SEC22A: variants seen among roughly 807,000 people sequenced by gnomAD.
The protein encoded by SEC22A is SEC22 homolog A, vesicle trafficking protein, also known as vesicle-trafficking protein SEC22a.
A neutral mutation model predicts 35.3 loss-of-function variants in SEC22A; 22 were observed. The observed-to-expected ratio is 0.62, with a 90% CI of 0.45 to 0.89. The LOEUF is 0.89. Ranked by LOEUF, SEC22A falls within the 40% of genes least tolerant of loss-of-function variation. The pLI is 0.00. For missense variants in SEC22A, 354 were observed against 362.5 expected (o/e 0.98, Z 0.19); for synonymous variants, 119 against 129.5 (o/e 0.92, Z 0.55).
chr3:123,218,914 C>G (rs1559752782), intron 2 of SEC22A, among the ~76,000 whole-genome samples: 3 of 152,094 alleles, frequency 2.0e-5, no homozygotes, highest in Admixed American at 6.5e-5. Flanking sequence ...CATCCCTGCT[C>G]TCATGGAGTG....
At chr3:123,269,789 C>T (rs1410636353) in intron 6 of SEC22A, among the ~76,000 whole-genome samples, 1 of 151,894 alleles carries the variant, frequency 6.6e-6, no homozygotes, top group East Asian at 1.9e-4. Flanking sequence ...CCCGCCACCA[C>T]ACCCGACTAA....
At chr3:123,212,861 T>C (rs998550547) in intron 2 of SEC22A, among the ~76,000 whole-genome samples, 7 of 152,146 alleles carry the variant, frequency 4.6e-5, no homozygotes, top group African/African-American at 1.7e-4. Context: ...GTTGCAGATA[T>C]TACCGTTGAG....
intron 6 of SEC22A, among the ~76,000 whole-genome samples, chr3:123,266,630 G>C (rs1938031941): frequency 6.6e-6 from 1 of 152,000 alleles, no homozygotes. Flanking sequence ...TGATTCCATT[G>C]TGATTAGAGA....
At chr3:123,228,634 A>AG (rs1318649510) in intron 4 of SEC22A, among the ~76,000 whole-genome samples, 2 of 151,518 alleles carry the variant, frequency 1.3e-5, no homozygotes, top group South Asian at 4.2e-4. Context: ...CATGGGGTAG[A>AG]GGGGACAGAA....
At chr3:123,215,682 T>G (rs549082816) in intron 2 of SEC22A, among the ~76,000 whole-genome samples, 2 of 152,158 alleles carry the variant, frequency 1.3e-5, no homozygotes, top group African/African-American at 4.8e-5. Context: ...GTAAATGATA[T>G]ATATGAACCA....
intron 4 of SEC22A, among the ~76,000 whole-genome samples, chr3:123,236,591 A>G (rs1937422636): frequency 6.6e-6 from 1 of 152,012 alleles, no homozygotes; most frequent in African/African-American, 2.4e-5. Context: ...CTTAGTTTTG[A>G]ATCATATTGT....
chr3:123,222,513 T>C (rs2108045701), intron 2 of SEC22A, among the ~76,000 whole-genome samples: 1 of 152,252 alleles, frequency 6.6e-6, no homozygotes, highest in South Asian at 2.1e-4. Flanking sequence ...CTTCTTTTGA[T>C]TGGCAACATT....
intron 5 of SEC22A, among the ~76,000 whole-genome samples, chr3:123,252,442 G>A (rs116391388): frequency 2.6e-5 from 4 of 152,130 alleles, no homozygotes; most frequent in Admixed American, 2.6e-4. Flanking sequence ...GGGAAGGGCA[G>A]TACCCCAGAT....
intron 5 of SEC22A, among the ~76,000 whole-genome samples, chr3:123,256,423 G>A (rs146100095): frequency 9.0e-5 from 13 of 144,850 alleles, no homozygotes; most frequent in African/African-American, 1.3e-4. Context: ...TCATTCAAAC[G>A]TTGCCTAAAC....
chr3:123,231,938 C>T (rs1937333278), intron 4 of SEC22A, among the ~76,000 whole-genome samples: 1 of 152,008 alleles, frequency 6.6e-6, no homozygotes. Flanking sequence ...AAAATAATTA[C>T]TCAAATTAGA....
At chr3:123,243,481 C>T (rs958711122) in intron 4 of SEC22A, among the ~76,000 whole-genome samples, 1 of 152,128 alleles carries the variant, frequency 6.6e-6, no homozygotes, top group Admixed American at 6.6e-5. Context: ...ATTTCTTCCC[C>T]TTTGTACCTG....
chr3:123,209,305 A>G lies in SEC22A; in HGVS notation c.88A>G (p.Met30Val). The G allele has an allele frequency of 6.2e-7, 1 of 1,614,112 alleles. No individual in the cohort carries two copies. The highest frequency in any genetic ancestry group is 8.5e-7 in the Non-Finnish European group (1 of 1,179,960). Residue 30 changes from methionine to valine, a missense_variant, in exon 2 of 7, where the codon ATG (methionine) becomes GTG (valine). Physicochemically the swap from Met to Val is conservative, Grantham distance 21 (BLOSUM62 1). Coordinates refer to ENST00000492595, the MANE Select transcript of SEC22A (RefSeq NM_012430.5). ...ASTDYEQSTG[M>V]QECRKYFKML... ...TACTGATTATGAACAAAGCACAGGA[A>G]TGCAGGAGTGCAGAAAGTATTTTAA... is the stretch of plus-strand genomic sequence containing the variant.
intron 3 of SEC22A, among the ~76,000 whole-genome samples, chr3:123,224,864 A>C (rs1218607869): frequency 6.6e-6 from 1 of 152,196 alleles, no homozygotes; most frequent in Non-Finnish European, 1.5e-5. Context: ...AAGTGGATGT[A>C]ATACACTTAG....
chr3:123,202,805 G>T (rs2108019382), intron 1 of SEC22A, among the ~76,000 whole-genome samples: 1 of 152,294 alleles, frequency 6.6e-6, no homozygotes, highest in African/African-American at 2.4e-5. Context: ...TCAGCCACCA[G>T]ACTGGAGATG....
rs1281102971 is a variant in SEC22A, at chr3:123,272,159, AT to A, written c.*438del. 1 of 157,028 alleles carries A rather than the reference AT, an allele frequency of 6.4e-6. No individual in the cohort carries two copies. Among genetic ancestry groups the A allele is most frequent in the Non-Finnish European group, 1.4e-5 (1 of 70,922 alleles). 9.7% of individuals were successfully genotyped at this position (157,028 alleles called of 1,614,324 possible). On this transcript the variant is annotated 3_prime_UTR_variant, in exon 7 of 7. Transcript: ENST00000492595. The stretch of plus-strand genomic sequence containing the variant: ...ATTGGAAAGTTTATGTTTTAAATAA[AT>A]GACTGTGATAAATATCAGATTATTT...
chr3:123,247,184 CA>C (rs1372137535), intron 5 of SEC22A, among the ~76,000 whole-genome samples: 1 of 152,094 alleles, frequency 6.6e-6, no homozygotes. Context: ...GAAACAAAGA[CA>C]ATTTGGAGAC....
chr3:123,251,153 C>A (rs1336304595), intron 5 of SEC22A, among the ~76,000 whole-genome samples: 2 of 152,118 alleles, frequency 1.3e-5, no homozygotes, highest in African/African-American at 2.4e-5. Context: ...CTTCCTGCCC[C>A]ATGTTAGATT....
intron 4 of SEC22A, among the ~76,000 whole-genome samples, chr3:123,230,810 T>C (rs749362152): frequency 1.3e-4 from 20 of 151,358 alleles, no homozygotes; most frequent in Non-Finnish European, 2.1e-4. Context: ...AGTAATAATG[T>C]TATATATGAA....
chr3:123,203,053 CTTTTTTTTTTTTTTT>C (rs779433710), intron 1 of SEC22A, among the ~76,000 whole-genome samples: 926 of 43,876 alleles, frequency 0.021, 10 homozygotes, highest in Non-Finnish European at 0.03. Context: ...TGTTTAGTGC[CTTTTTTTTTTTTTTT>C]TTTTTTTTTT....
Sources: allele counts gnomAD v4.1 joint callset (sites outside exome capture counted in the v4.1 genomes callset), GRCh38; gene constraint gnomAD v4.1.1; transcripts MANE v1.5; gene names NCBI Gene and HGNC (gene_info 2026-07-23, HGNC 2026-07-21).